The following FRMD4A variants were observed in gnomAD, a reference collection of about 807,000 sequenced individuals.
The protein encoded by FRMD4A is FERM domain containing 4A.
In FRMD4A, 29 loss-of-function variants were observed where a neutral mutation model predicts 129.1. The observed-to-expected ratio is 0.22, with a 90% CI of 0.17 to 0.31. FRMD4A has a LOEUF of 0.31. Among genes scored for constraint, FRMD4A ranks in the 10% least tolerant of loss-of-function variants. FRMD4A has a pLI of 1.00. For synonymous variants in FRMD4A, 634 were observed against 571.6 expected, an observed-to-expected ratio of 1.11 and a Z score of -1.56; for missense variants, 1,272 against 1,375.8, an observed-to-expected ratio of 0.92 and a Z score of 1.19.
chr10:13,963,050 T>C (rs752233936), intron 2 of FRMD4A, among the ~76,000 whole-genome samples: 1 of 152,158 alleles, frequency 6.6e-6, no homozygotes, highest in Non-Finnish European at 1.5e-5. Flanking sequence ...TTCCATCCTA[T>C]TGCAAAAATA....
In FRMD4A at chr10:13,657,107, G is replaced by T. The variant is rs868694516; in HGVS notation, c.2482C>A (p.Pro828Thr). The change falls in exon 22 of 25, where the codon CCC becomes ACC. Residue 828 changes from proline to threonine, a missense_variant. Transcript: ENST00000357447. ...TCCTTGATGCGGTACTGCGAGCTGG[G>T]CTGGCTCTGGCTGTGCAGGTACACA... is the stretch of plus-strand genomic sequence containing the variant. ...GGVYLHSQSQ[P>T]SSQYRIKEYP... 4 of 1,560,160 alleles carry T rather than the reference G, an allele frequency of 2.6e-6. No homozygotes were observed. The highest frequency in any genetic ancestry group is 3.4e-6 in the Non-Finnish European group (4 of 1,159,650).
intron 2 of FRMD4A, among the ~76,000 whole-genome samples, chr10:14,108,587 A>G (rs1837706742): frequency 6.6e-6 from 1 of 152,216 alleles, no homozygotes; most frequent in Non-Finnish European, 1.5e-5. Context: ...CCTCTTCATC[A>G]AGAACTTAAC....
intron 2 of FRMD4A, among the ~76,000 whole-genome samples, chr10:14,061,111 C>T (rs997352295): frequency 6.6e-6 from 1 of 152,050 alleles, no homozygotes; most frequent in Admixed American, 6.5e-5. Context: ...TATAAATGTG[C>T]AATATTTAAA....
chr10:14,169,685 CTG>C (rs1056739064), intron 2 of FRMD4A, among the ~76,000 whole-genome samples: 1 of 152,188 alleles, frequency 6.6e-6, no homozygotes, highest in African/African-American at 2.4e-5. Flanking sequence ...AGATTAGAAA[CTG>C]TCTCACACTT....
At chr10:14,106,868 A>AAAATAAAAG (rs71505016) in intron 2 of FRMD4A, among the ~76,000 whole-genome samples, 97,166 of 151,354 alleles carry the variant, frequency 0.64, 31,274 homozygotes, top group East Asian at 0.78. Context: ...ATATATACCC[A>AAAATAAAAG]AAATCATTCT....
chr10:14,007,985 G>T (rs375265087), intron 2 of FRMD4A: 12 of 1,274,026 alleles, frequency 9.4e-6, no homozygotes, highest in Non-Finnish European at 1.2e-5. Context: ...CAGAAGTAAC[G>T]CGGTATACAA....
chr10:13,989,365 T>G (rs28368807), intron 2 of FRMD4A, among the ~76,000 whole-genome samples: 1 of 152,308 alleles, frequency 6.6e-6, no homozygotes, highest in South Asian at 2.1e-4. Flanking sequence ...GATTTTTTTT[T>G]CTTTTTTTTG....
chr10:13,958,611 T>TG (rs1554988156), intron 2 of FRMD4A, among the ~76,000 whole-genome samples: 1 of 132,384 alleles, frequency 7.6e-6, no homozygotes, highest in Non-Finnish European at 1.6e-5. Flanking sequence ...TTTTTTTTTT[T>TG]CCCCGCTCTT....
intron 2 of FRMD4A, among the ~76,000 whole-genome samples, chr10:14,220,803 TGTGTGTGTTTG>T (rs764586632): frequency 2.9e-4 from 12 of 41,898 alleles, no homozygotes; most frequent in Non-Finnish European, 6.2e-4. Context: ...TGTGTGTGTG[TGTGTGTGTTTG>T]TGTGTGTGTG....
intron 15 of FRMD4A, among the ~76,000 whole-genome samples, chr10:13,679,510 C>CACACACACACACAG (rs2084338290): frequency 7.9e-6 from 1 of 127,210 alleles, no homozygotes. Flanking sequence ...CACACACACA[C>CACACACACACACAG]AGTGTTCACA....
intron 6 of FRMD4A, among the ~76,000 whole-genome samples, chr10:13,769,069 C>A (rs566943685): frequency 2.0e-4 from 29 of 146,874 alleles, no homozygotes; most frequent in African/African-American, 7.3e-4. Flanking sequence ...CGGCTCACTG[C>A]AAGCTCTGCC....
intron 2 of FRMD4A, chr10:14,326,952 C>T (rs1843302362): frequency 5.0e-6 from 2 of 398,554 alleles, no homozygotes; most frequent in South Asian, 1.3e-4. Flanking sequence ...TCTCCAAGTC[C>T]CCCCTTCCGT....
At chr10:14,004,192 G>A (rs1440221510) in intron 2 of FRMD4A, among the ~76,000 whole-genome samples, 1 of 152,174 alleles carries the variant, frequency 6.6e-6, no homozygotes, top group East Asian at 1.9e-4. Context: ...TAGCCCTAAA[G>A]GATCTCCCCA....
chr10:14,160,668 A>G (rs1044099413), intron 2 of FRMD4A, among the ~76,000 whole-genome samples: 3 of 152,232 alleles, frequency 2.0e-5, no homozygotes, highest in Non-Finnish European at 4.4e-5. Flanking sequence ...AGACATACAA[A>G]TGGCCAACAG....
intron 2 of FRMD4A, among the ~76,000 whole-genome samples, chr10:14,272,652 G>A (rs372847401): frequency 9.9e-5 from 15 of 152,168 alleles, no homozygotes; most frequent in African/African-American, 3.1e-4. Context: ...AGGCTGTACA[G>A]GAAGCATAAC....
At chr10:13,902,499 G>T (rs1395156762) in intron 2 of FRMD4A, among the ~76,000 whole-genome samples, 1 of 151,268 alleles carries the variant, frequency 6.6e-6, no homozygotes, top group African/African-American at 2.4e-5. Context: ...GAGTGACAGA[G>T]ATGAGCCAAC....
chr10:13,798,552 TA>T (rs1313649786), intron 4 of FRMD4A, among the ~76,000 whole-genome samples: 8 of 151,656 alleles, frequency 5.3e-5, no homozygotes, highest in Non-Finnish European at 1.0e-4. Flanking sequence ...CTGTCTCTAC[TA>T]AAAAATACGA....
At chr10:14,268,733 T>C (rs1845062601) in intron 2 of FRMD4A, among the ~76,000 whole-genome samples, 1 of 152,214 alleles carries the variant, frequency 6.6e-6, no homozygotes, top group Non-Finnish European at 1.5e-5. Flanking sequence ...TTCATGTGTA[T>C]GCATGAGACA....
intron 2 of FRMD4A, among the ~76,000 whole-genome samples, chr10:13,964,522 A>G (rs2095471353): frequency 6.6e-6 from 1 of 152,270 alleles, no homozygotes; most frequent in African/African-American, 2.4e-5. Flanking sequence ...TCGATTTGTC[A>G]TGAAACCAAT....
Sources: gnomAD v4.1 joint callset for allele counts (sites outside exome capture counted in the v4.1 genomes callset) on GRCh38, gnomAD v4.1.1 for gene constraint, MANE v1.5 for transcripts, NCBI Gene and HGNC (gene_info 2026-07-23, HGNC 2026-07-21) for gene names.